GRK5: variants seen among roughly 807,000 people sequenced by gnomAD.
GRK5 encodes the protein G protein-coupled receptor kinase 5.
A neutral mutation model predicts 78.4 loss-of-function variants in GRK5; 40 were observed. That is an observed-to-expected ratio of 0.51 (90% CI 0.40 to 0.66). The LOEUF (loss-of-function observed/expected upper bound fraction) is 0.66, where lower values mean the gene tolerates loss of function less well. GRK5 is among the 30% of genes least tolerant of loss of function. The probability of loss-of-function intolerance (pLI) is 0.00; values close to 1 mark genes in which losing one functional copy is unlikely to be tolerated. For synonymous variants in GRK5, 289 were observed against 296.8 expected (o/e 0.97, Z 0.27); for missense variants, 598 against 759.9 (o/e 0.79, Z 2.50).
chr10:119,440,552 ATT>A lies in GRK5; in HGVS notation c.967+798_967+799del, dbSNP rs35117721. Among the ~76,000 whole-genome samples, 1,249 of 137,318 alleles carry A rather than the reference ATT, an allele frequency of 9.1e-3. 21 individuals are homozygous for A. Among genetic ancestry groups the A allele is most frequent in the African/African-American group, 0.029 (1,086 of 36,862 alleles). 90.1% of individuals were successfully genotyped at this position (137,318 alleles called of 152,430 possible). On this transcript the variant is annotated intron_variant, in intron 10 of 15. Transcript: ENST00000392870. ...GCCACCACACCTGGCTAGTTTTTGT[ATT>A]TTTTTTTTTTTTTGAGATGTAGTTT... is the stretch of plus-strand genomic sequence containing the variant.
intron 1 of GRK5, among the ~76,000 whole-genome samples, chr10:119,285,619 T>A (rs77285292): frequency 0.02 from 3,062 of 152,286 alleles, 63 homozygotes; most frequent in Admixed American, 0.054. Context: ...AACCATCAGC[T>A]CTACTCTGCT....
intron 1 of GRK5, among the ~76,000 whole-genome samples, chr10:119,273,121 G>A (rs1849612348): frequency 6.6e-6 from 1 of 152,212 alleles, no homozygotes; most frequent in Non-Finnish European, 1.5e-5. Flanking sequence ...ACCGGCGATG[G>A]CTTAAGCCTC....
chr10:119,256,660 T>TC (rs1263305735), intron 1 of GRK5, among the ~76,000 whole-genome samples: 3 of 150,638 alleles, frequency 2.0e-5, no homozygotes, highest in African/African-American at 7.3e-5. Flanking sequence ...CTTTATTCTA[T>TC]CTCTGAGGTC....
chr10:119,309,964 A>G (rs944196219), intron 1 of GRK5, among the ~76,000 whole-genome samples: 28 of 152,072 alleles, frequency 1.8e-4, no homozygotes, highest in African/African-American at 6.5e-4. Flanking sequence ...CTGTAGGGTC[A>G]TGAGGCCCAG....
chr10:119,404,168 T>C (rs1852197419), intron 4 of GRK5, among the ~76,000 whole-genome samples: 1 of 152,214 alleles, frequency 6.6e-6, no homozygotes. Context: ...CAAAACCTCA[T>C]CAACACTTGC....
At chr10:119,245,602 A>T (rs1849094470) in intron 1 of GRK5, among the ~76,000 whole-genome samples, 1 of 152,184 alleles carries the variant, frequency 6.6e-6, no homozygotes, top group South Asian at 2.1e-4. Flanking sequence ...GGTGGTTGCC[A>T]GGGGAGAGGG....
At chr10:119,291,181 T>C (rs1454755333) in intron 1 of GRK5, among the ~76,000 whole-genome samples, 1 of 152,138 alleles carries the variant, frequency 6.6e-6, no homozygotes, top group Admixed American at 6.5e-5. Context: ...TTTTTCTCCA[T>C]GATCTTCATG....
chr10:119,334,103 A>G (rs1850831612), intron 2 of GRK5, among the ~76,000 whole-genome samples: 1 of 152,152 alleles, frequency 6.6e-6, no homozygotes, highest in Non-Finnish European at 1.5e-5. Context: ...GAGCACTGAG[A>G]CAGATTCCTA....
chr10:119,394,046 GGTGTGTGGTTGTGT>G (rs1206806080), intron 3 of GRK5, among the ~76,000 whole-genome samples: 8 of 139,976 alleles, frequency 5.7e-5, no homozygotes, highest in Non-Finnish European at 9.4e-5. Flanking sequence ...GGTATCTGTG[GGTGTGTGGTTGTGT>G]GTGTGTGTCT....
At chr10:119,426,281 C>G (rs1564930375) in intron 6 of GRK5, among the ~76,000 whole-genome samples, 1 of 152,250 alleles carries the variant, frequency 6.6e-6, no homozygotes, top group African/African-American at 2.4e-5. Context: ...GGTGGTTTCT[C>G]TCCACCTGAC....
At chr10:119,429,474 G>T (rs1470927277) in intron 6 of GRK5, among the ~76,000 whole-genome samples, 1 of 151,126 alleles carries the variant, frequency 6.6e-6, no homozygotes, top group Non-Finnish European at 1.5e-5. Flanking sequence ...CTGATTATTT[G>T]TAGCCAAACA....
chr10:119,362,503 G>A (rs1242058636), intron 2 of GRK5, among the ~76,000 whole-genome samples: 4 of 152,238 alleles, frequency 2.6e-5, no homozygotes, highest in Admixed American at 2.0e-4. Context: ...TGACTTCAGA[G>A]CCTTCCTGCA....
At chr10:119,314,815 G>A (rs1194261944) in intron 1 of GRK5, among the ~76,000 whole-genome samples, 1 of 152,238 alleles carries the variant, frequency 6.6e-6, no homozygotes, top group Non-Finnish European at 1.5e-5. Flanking sequence ...TAGTAATGGA[G>A]GAACCGAGGG....
chr10:119,227,412 C>A (rs1304428376), intron 1 of GRK5, among the ~76,000 whole-genome samples: 2 of 151,978 alleles, frequency 1.3e-5, no homozygotes, highest in Non-Finnish European at 2.9e-5. Flanking sequence ...ACTAAAAATA[C>A]AAAAATTAGC....
chr10:119,214,352 G>T (rs144380262), intron 1 of GRK5, among the ~76,000 whole-genome samples: 1 of 152,278 alleles, frequency 6.6e-6, no homozygotes, highest in East Asian at 1.9e-4. Flanking sequence ...AGGCTGACTG[G>T]GGTGTGACCT....
At chr10:119,337,617 A>AC (rs1158085805) in intron 2 of GRK5, among the ~76,000 whole-genome samples, 4 of 148,344 alleles carry the variant, frequency 2.7e-5, no homozygotes, top group African/African-American at 9.9e-5. Context: ...TTTCCCCCCC[A>AC]CTTTTTTCTC....
At chr10:119,317,740 A>G (rs1007035288) in intron 1 of GRK5, among the ~76,000 whole-genome samples, 1 of 152,086 alleles carries the variant, frequency 6.6e-6, no homozygotes, top group Non-Finnish European at 1.5e-5. Flanking sequence ...TTTTCAGTCA[A>G]CTTTTCCAAG....
At chr10:119,344,930 C>T (rs549798840) in intron 2 of GRK5, among the ~76,000 whole-genome samples, 3 of 135,498 alleles carry the variant, frequency 2.2e-5, no homozygotes, top group African/African-American at 5.3e-5. Context: ...TCCTTCCTTC[C>T]TTCCTTTTCC....
chr10:119,344,091 G>A (rs927548031), intron 2 of GRK5, among the ~76,000 whole-genome samples: 1 of 151,358 alleles, frequency 6.6e-6, no homozygotes, highest in Admixed American at 6.6e-5. Context: ...TTTTTTTTTG[G>A]CGGGGGGTAA....
Sources: gnomAD v4.1 joint callset for allele counts (sites outside exome capture counted in the v4.1 genomes callset) on GRCh38, gnomAD v4.1.1 for gene constraint, MANE v1.5 for transcripts, NCBI Gene and HGNC (gene_info 2026-07-23, HGNC 2026-07-21) for gene names.